PCDHAC1: variants seen among roughly 807,000 people sequenced by gnomAD.
The protein encoded by PCDHAC1 is protocadherin alpha-C1.
PCDHAC1 carries 42 observed loss-of-function variants against 60.0 expected under a neutral mutation model. That is an observed-to-expected ratio of 0.70 (90% CI 0.55 to 0.90). The LOEUF (loss-of-function observed/expected upper bound fraction) is 0.90. Ranked by LOEUF, PCDHAC1 falls within the 40% of genes least tolerant of loss-of-function variation. PCDHAC1 has a pLI of 0.00. For missense variants in PCDHAC1, 1,160 were observed against 1,222.3 expected, an observed-to-expected ratio of 0.95 and a Z score of 0.76; for synonymous variants, 468 against 499.3, an observed-to-expected ratio of 0.94 and a Z score of 0.84.
intron 2 of PCDHAC1, among the ~76,000 whole-genome samples, chr5:140,979,595 A>G (rs1261298748): frequency 1.3e-5 from 2 of 152,212 alleles, no homozygotes; most frequent in African/African-American, 4.8e-5. Context: ...GCTTACTTTA[A>G]ATTAACCTAG....
At chr5:140,940,731 G>C (rs1195223562) in intron 1 of PCDHAC1, among the ~76,000 whole-genome samples, 1 of 152,280 alleles carries the variant, frequency 6.6e-6, no homozygotes, top group South Asian at 2.1e-4. Context: ...CAGCTGGACA[G>C]CTCCATATTT....
intron 3 of PCDHAC1, among the ~76,000 whole-genome samples, chr5:140,990,307 A>C (rs1409511282): frequency 2.6e-5 from 4 of 152,132 alleles, no homozygotes; most frequent in Non-Finnish European, 5.9e-5. Flanking sequence ...TGTCTGTAAA[A>C]AACCAACCAA....
At chr5:140,994,753 G>T (rs143791883) in intron 3 of PCDHAC1, among the ~76,000 whole-genome samples, 6 of 152,252 alleles carry the variant, frequency 3.9e-5, no homozygotes, top group Non-Finnish European at 7.3e-5. Context: ...AGTAGGATGT[G>T]GAGAGGAAGA....
At chr5:140,982,900 C>G (rs1443607900) in intron 3 of PCDHAC1, among the ~76,000 whole-genome samples, 1 of 151,932 alleles carries the variant, frequency 6.6e-6, no homozygotes, top group African/African-American at 2.4e-5. Flanking sequence ...ATCTGGTGGC[C>G]TTATGCACAG....
At position 140,929,170 on chromosome 5, in the gene PCDHAC1, C is replaced by T; in HGVS notation, c.2278C>T (p.Leu760=). ...TCAGACTTATCTCTATCGGGCCTCTCTGGGACTTGGTTCTGATAATAACAG... is the reference window on the plus strand; with the variant it reads ...TCAGACTTATCTCTATCGGGCCTCTTTGGGACTTGGTTCTGATAATAACAG... ...LSQTYLYRAS[L]GLGSDNNSLL... is the part of the protein sequence containing the mutation. Residue 760 remains leucine, a synonymous_variant, in exon 1 of 4, where the codon CTG becomes TTG. Coordinates refer to ENST00000253807, the MANE Select transcript of PCDHAC1 (RefSeq NM_018898.5). 4 of 1,614,134 alleles carry T rather than the reference C, an allele frequency of 2.5e-6. No homozygotes were observed. Among genetic ancestry groups the T allele is most frequent in the Non-Finnish European group, 3.4e-6 (4 of 1,180,024 alleles).
chr5:140,942,310 C>T (rs782391809), intron 1 of PCDHAC1, among the ~76,000 whole-genome samples: 14 of 151,402 alleles, frequency 9.2e-5, no homozygotes, highest in East Asian at 1.9e-4. Flanking sequence ...CTTGGGAGGT[C>T]GAGGCACAAG....
At chr5:140,993,107 A>G (rs2097540621) in intron 3 of PCDHAC1, among the ~76,000 whole-genome samples, 1 of 152,218 alleles carries the variant, frequency 6.6e-6, no homozygotes, top group South Asian at 2.1e-4. Context: ...TTCAGCGGTC[A>G]GTGTCACATC....
At chr5:140,935,732 A>G (rs933243274) in intron 1 of PCDHAC1, among the ~76,000 whole-genome samples, 3 of 152,212 alleles carry the variant, frequency 2.0e-5, no homozygotes, top group African/African-American at 4.8e-5. Flanking sequence ...GAAGTCTAGT[A>G]TCTATTATTC....
chr5:141,005,821 C>T (rs557161446), intron 3 of PCDHAC1, among the ~76,000 whole-genome samples: 1 of 150,884 alleles, frequency 6.6e-6, no homozygotes, highest in African/African-American at 2.4e-5. Context: ...GGTATGGTGG[C>T]CTGTAGTCCC....
At chr5:140,946,447 A>G (rs1206019841) in intron 1 of PCDHAC1, among the ~76,000 whole-genome samples, 6 of 151,544 alleles carry the variant, frequency 4.0e-5, no homozygotes, top group Non-Finnish European at 7.4e-5. Context: ...AGACTAAAAC[A>G]ACTATCCAGC....
At chr5:140,943,112 G>A (rs1250060246) in intron 1 of PCDHAC1, among the ~76,000 whole-genome samples, 1 of 151,850 alleles carries the variant, frequency 6.6e-6, no homozygotes, top group African/African-American at 2.4e-5. Flanking sequence ...ACAAAAATTA[G>A]CCAGGTGTGG....
At chr5:140,992,486 A>G (rs2097515048) in intron 3 of PCDHAC1, among the ~76,000 whole-genome samples, 1 of 152,182 alleles carries the variant, frequency 6.6e-6, no homozygotes, top group Non-Finnish European at 1.5e-5. Flanking sequence ...CCAGAGGCCA[A>G]TCTGTAAGGA....
intron 1 of PCDHAC1, among the ~76,000 whole-genome samples, chr5:140,934,332 T>C (rs1452316834): frequency 1.3e-5 from 2 of 152,140 alleles, no homozygotes; most frequent in Non-Finnish European, 2.9e-5. Flanking sequence ...ATGAATGTAA[T>C]AACCACCAGT....
intron 1 of PCDHAC1, among the ~76,000 whole-genome samples, chr5:140,961,280 C>T (rs246003): frequency 7.2e-5 from 11 of 152,104 alleles, no homozygotes; most frequent in Non-Finnish European, 1.0e-4. Flanking sequence ...TACCATGGCT[C>T]TGTTTCTTGA....
chr5:140,961,366 C>A (rs1384222732), intron 1 of PCDHAC1, among the ~76,000 whole-genome samples: 2 of 152,144 alleles, frequency 1.3e-5, no homozygotes, highest in Non-Finnish European at 2.9e-5. Context: ...CATTAGAATT[C>A]TCCTTCTAGT....
chr5:140,989,696 T>G (rs1554251011), intron 3 of PCDHAC1, among the ~76,000 whole-genome samples: 1 of 152,216 alleles, frequency 6.6e-6, no homozygotes, highest in African/African-American at 2.4e-5. Flanking sequence ...CGTGAAAATT[T>G]TATCTTCAGA....
At position 140,998,569 on chromosome 5, in the gene PCDHAC1, G is replaced by GTTT. The variant is rs71574497; in HGVS notation, c.2582-11048_2582-11046dup. ...TTAATGTCTAATTTATTGTAAATAA[G>GTTT]TTTTTTTTTTTTGAGACAGAGTTTT... On this transcript the variant is annotated intron_variant, in intron 3 of 3. Transcript: ENST00000253807. Among the ~76,000 whole-genome samples, 105 of 149,398 alleles carry GTTT rather than the reference G, an allele frequency of 7.0e-4. 1 individual carries two copies. Among genetic ancestry groups the GTTT allele is most frequent in the Middle Eastern group, 3.4e-3 (1 of 292 alleles).
chr5:140,946,327 G>C (rs2093929992), intron 1 of PCDHAC1, among the ~76,000 whole-genome samples: 2 of 151,720 alleles, frequency 1.3e-5, no homozygotes, highest in Non-Finnish European at 3.0e-5. Flanking sequence ...AAAGAGGAAA[G>C]ATAACAAGTG....
At chr5:140,956,297 G>A (rs1449094533) in intron 1 of PCDHAC1, among the ~76,000 whole-genome samples, 1 of 151,928 alleles carries the variant, frequency 6.6e-6, no homozygotes, top group African/African-American at 2.4e-5. Context: ...TCATATATAT[G>A]GCTCTTATTA....
Sources: allele counts gnomAD v4.1 joint callset (sites outside exome capture counted in the v4.1 genomes callset), GRCh38; gene constraint gnomAD v4.1.1; transcripts MANE v1.5; gene names NCBI Gene and HGNC (gene_info 2026-07-23, HGNC 2026-07-21).